INVS: variants seen among roughly 807,000 people sequenced by gnomAD.
The protein encoded by INVS is inversin.
In INVS, 86 loss-of-function variants were observed where a neutral mutation model predicts 108.8. The observed-to-expected ratio is 0.79, with a 90% CI of 0.66 to 0.95. The LOEUF (loss-of-function observed/expected upper bound fraction) is 0.95, where lower values mean the gene tolerates loss of function less well. Among genes scored for constraint, INVS ranks in the 40% least tolerant of loss-of-function variants. The probability of loss-of-function intolerance (pLI) is 0.00; values close to 1 mark genes in which losing one functional copy is unlikely to be tolerated. For synonymous variants in INVS, 455 were observed against 473.5 expected (o/e 0.96, Z 0.51); for missense variants, 1,169 against 1,297.4 (o/e 0.90, Z 1.52).
chr9:100,142,435 G>A (rs1339212422), intron 3 of INVS, among the ~76,000 whole-genome samples: 2 of 152,114 alleles, frequency 1.3e-5, no homozygotes, highest in African/African-American at 4.8e-5. Context: ...TGGTGGAACT[G>A]CCATCAATAA....
At chr9:100,141,781 G>T (rs372328872) in intron 3 of INVS, among the ~76,000 whole-genome samples, 1 of 152,212 alleles carries the variant, frequency 6.6e-6, no homozygotes, top group Admixed American at 6.5e-5. Context: ...TTTCTTTGAG[G>T]ATAGATTTCC....
chr9:100,106,534 A>G (rs1431783970), intron 2 of INVS, among the ~76,000 whole-genome samples: 1 of 152,172 alleles, frequency 6.6e-6, no homozygotes, highest in Non-Finnish European at 1.5e-5. Flanking sequence ...AATAAGATAG[A>G]AGTATATTTC....
At chr9:100,294,175 G>T (rs1259756124) in intron 14 of INVS, among the ~76,000 whole-genome samples, 1 of 152,162 alleles carries the variant, frequency 6.6e-6, no homozygotes, top group African/African-American at 2.4e-5. Context: ...CTCAAGAAAA[G>T]AAATAGGTGG....
At chr9:100,239,963 T>C in intron 5 of INVS, 97 bp from the exon 6 acceptor site, 1 of 1,124,714 alleles carries the variant, frequency 8.9e-7, no homozygotes. Context: ...AACAAGACCC[T>C]GTCTCTAAAA....
intron 2 of INVS, among the ~76,000 whole-genome samples, chr9:100,105,022 C>G (rs926046995): frequency 2.0e-5 from 3 of 152,064 alleles, no homozygotes; most frequent in Non-Finnish European, 4.4e-5. Context: ...AATGTTCCCC[C>G]TGTGATTTGC....
chr9:100,161,309 A>T (rs1829169337), intron 3 of INVS, among the ~76,000 whole-genome samples: 1 of 142,076 alleles, frequency 7.0e-6, no homozygotes, highest in Admixed American at 7.3e-5. Context: ...TCAGGAGACG[A>T]GATCGCACCA....
At chr9:100,240,723 C>CT in intron 6 of INVS, among the ~76,000 whole-genome samples, 1 of 152,040 alleles carries the variant, frequency 6.6e-6, no homozygotes, top group Middle Eastern at 3.4e-3. Flanking sequence ...ATCTGAGAGT[C>CT]TTTCTCTTTC....
intron 3 of INVS, among the ~76,000 whole-genome samples, chr9:100,206,973 T>C (rs530484215): frequency 3.3e-5 from 5 of 152,132 alleles, no homozygotes; most frequent in African/African-American, 9.6e-5. Flanking sequence ...ACCACAGGAG[T>C]GATGTTGTAT....
At chr9:100,155,432 G>A (rs1379997119) in intron 3 of INVS, among the ~76,000 whole-genome samples, 3 of 152,128 alleles carry the variant, frequency 2.0e-5, no homozygotes, top group Admixed American at 6.5e-5. Context: ...CACCTCCCAG[G>A]ATCAAGTGAT....
At chr9:100,255,024 C>T (rs1832369973) in intron 10 of INVS, among the ~76,000 whole-genome samples, 3 of 152,242 alleles carry the variant, frequency 2.0e-5, no homozygotes, top group East Asian at 1.9e-4. Context: ...GCCATTTTCA[C>T]GATATTGATT....
At chr9:100,118,004 C>T (rs1051910379) in intron 2 of INVS, among the ~76,000 whole-genome samples, 2 of 152,012 alleles carry the variant, frequency 1.3e-5, no homozygotes, top group Non-Finnish European at 2.9e-5. Flanking sequence ...TGATCTCAGA[C>T]TTCTAGCCTC....
chr9:100,215,608 A>T (rs1268385689), intron 3 of INVS: 2 of 152,206 alleles, frequency 1.3e-5, no homozygotes, highest in African/African-American at 4.8e-5. Context: ...TAAGTACCTA[A>T]CTATTGGCTC....
rs113051359 is a variant in INVS, at chr9:100,151,117, C to G, written c.273+24568C>G. On this transcript the variant is annotated intron_variant, in intron 3 of 16. Transcript: ENST00000262457. The stretch of plus-strand genomic sequence containing the variant: ...AACACCTGAGGGAAGAGCATTCATT[C>G]CAGGCAGAAGAAACAGTCAGAACAA... Among the ~76,000 whole-genome samples, 861 of 152,170 alleles carry G rather than the reference C, an allele frequency of 5.7e-3. 8 individuals carry two copies. The highest frequency in any genetic ancestry group is 0.019 in the African/African-American group (807 of 41,504).
chr9:100,199,154 G>A (rs578053015), intron 3 of INVS, among the ~76,000 whole-genome samples: 1 of 152,178 alleles, frequency 6.6e-6, no homozygotes, highest in Admixed American at 6.5e-5. Flanking sequence ...CTATGTAAAT[G>A]TCTTATTGTT....
At position 100,300,822 on chromosome 9, in the gene INVS, A is replaced by G; in HGVS notation, c.*148A>G. ...CCTAAAAATGTGTTAACTGAAAGAA[A>G]ATGTCAGAATGTTTCCTTTCTGCTC... On this transcript the variant is annotated 3_prime_UTR_variant, in exon 17 of 17. Transcript: ENST00000262457. 1.5e-6 allele frequency: 1 copy of G among 675,084 alleles called. No individual in the cohort carries two copies. Among genetic ancestry groups the G allele is most frequent in the Non-Finnish European group, 2.7e-6 (1 of 374,974 alleles). The allele number at this position is 675,084 out of a possible 1,614,324, so 41.8% of individuals were successfully genotyped here.
intron 3 of INVS, among the ~76,000 whole-genome samples, chr9:100,188,047 G>C (rs1830104216): frequency 6.6e-6 from 1 of 152,114 alleles, no homozygotes; most frequent in South Asian, 2.1e-4. Context: ...GATATAATTG[G>C]ATTCATTTAT....
chr9:100,116,127 A>T, intron 2 of INVS, among the ~76,000 whole-genome samples: 1 of 142,062 alleles, frequency 7.0e-6, no homozygotes. Context: ...TTTTTGAGAC[A>T]GGGTCATACT....
intron 3 of INVS, among the ~76,000 whole-genome samples, chr9:100,177,093 C>A (rs961135937): frequency 5.3e-5 from 8 of 152,080 alleles, no homozygotes; most frequent in African/African-American, 1.7e-4. Flanking sequence ...CATTCCGGTC[C>A]AGATACTACG....
intron 3 of INVS, among the ~76,000 whole-genome samples, chr9:100,200,050 TG>T (rs890158916): frequency 6.6e-6 from 1 of 152,172 alleles, no homozygotes; most frequent in African/African-American, 2.4e-5. Flanking sequence ...TTTATTGGCT[TG>T]TTCTTCTATT....
Sources: allele counts gnomAD v4.1 joint callset (sites outside exome capture counted in the v4.1 genomes callset), GRCh38; gene constraint gnomAD v4.1.1; transcripts MANE v1.5; gene names NCBI Gene and HGNC (gene_info 2026-07-23, HGNC 2026-07-21).